Variants in HS3ST3B1 observed in about 807,000 individuals in gnomAD.
The protein encoded by HS3ST3B1 is heparan sulfate-glucosamine 3-sulfotransferase 3B1, also known as heparan sulfate glucosamine 3-O-sulfotransferase 3B1.
A neutral mutation model predicts 21.3 loss-of-function variants in HS3ST3B1; 13 were observed. That is an observed-to-expected ratio of 0.61 (90% CI 0.40 to 0.97). The LOEUF (loss-of-function observed/expected upper bound fraction) is 0.97, where lower values mean the gene tolerates loss of function less well. HS3ST3B1 is among the 50% of genes least tolerant of loss of function. The probability of loss-of-function intolerance (pLI) is 0.00; values close to 1 mark genes in which losing one functional copy is unlikely to be tolerated. For synonymous variants in HS3ST3B1, 234 were observed against 254.8 expected (o/e 0.92, Z 0.78); for missense variants, 459 against 554.8 (o/e 0.83, Z 1.73).
At chr17:14,302,139 C>T (rs1908956509) in intron 1 of HS3ST3B1, 67 bp downstream of exon 1, 2 of 1,491,636 alleles carry the variant, frequency 1.3e-6, no homozygotes, top group African/African-American at 1.4e-5. Context: ...GGAGACATGG[C>T]GTATGATAGG....
At chr17:14,317,766 G>C (rs1028464057) in intron 1 of HS3ST3B1, among the ~76,000 whole-genome samples, 1 of 152,036 alleles carries the variant, frequency 6.6e-6, no homozygotes, top group Non-Finnish European at 1.5e-5. Context: ...TAAAGAGAGG[G>C]CTTTTATCCT....
chr17:14,335,610 C>T (rs1597600641), intron 1 of HS3ST3B1, among the ~76,000 whole-genome samples: 1 of 151,968 alleles, frequency 6.6e-6, no homozygotes, highest in African/African-American at 2.4e-5. Flanking sequence ...AGGAGAATTG[C>T]TTGAACCGAG....
rs773871384 is a variant in HS3ST3B1, at chr17:14,301,993, G to T, written c.475G>T (p.Val159Leu). ...GCGGGCGCTGCTGGAGTTTCTGCGC[G>T]TGCACCCCGACGTGCGCGCCGTGGG... is the stretch of plus-strand genomic sequence containing the variant. The part of the protein sequence containing the change: ...GTRALLEFLR[V>L]HPDVRAVGAE... The change falls in exon 1 of 2, where the codon GTG (valine) becomes TTG (leucine). Residue 159 changes from valine (V) to leucine (L), a missense_variant. Coordinates refer to ENST00000360954, the MANE Select transcript of HS3ST3B1 (RefSeq NM_006041.3). The T allele has an allele frequency of 1.9e-6, 3 of 1,609,532 alleles. No individual in the cohort carries two copies. The highest frequency in any genetic ancestry group is 1.7e-6 in the Non-Finnish European group (2 of 1,179,050).
At chr17:14,312,433 T>C (rs1394624432) in intron 1 of HS3ST3B1, among the ~76,000 whole-genome samples, 1 of 152,220 alleles carries the variant, frequency 6.6e-6, no homozygotes, top group African/African-American at 2.4e-5. Context: ...CTCCCAAAGA[T>C]GTAGACTTTT....
At chr17:14,320,235 T>C (rs943395457) in intron 1 of HS3ST3B1, among the ~76,000 whole-genome samples, 1 of 152,100 alleles carries the variant, frequency 6.6e-6, no homozygotes, top group Non-Finnish European at 1.5e-5. Flanking sequence ...AAACAAATCC[T>C]ACAGAGGGAG....
chr17:14,315,416 A>T (rs1909466676), intron 1 of HS3ST3B1, among the ~76,000 whole-genome samples: 1 of 152,196 alleles, frequency 6.6e-6, no homozygotes, highest in African/African-American at 2.4e-5. Context: ...CAAATTACTT[A>T]TAATAGTTTT....
intron 1 of HS3ST3B1, among the ~76,000 whole-genome samples, chr17:14,331,991 C>T (rs75841532): frequency 0.019 from 2,913 of 152,252 alleles, 69 homozygotes; most frequent in East Asian, 0.14. Flanking sequence ...AGAAACTTCC[C>T]GGAGTTACAA....
At chr17:14,334,243 T>A (rs1403508906) in intron 1 of HS3ST3B1, among the ~76,000 whole-genome samples, 1 of 151,520 alleles carries the variant, frequency 6.6e-6, no homozygotes, top group East Asian at 1.9e-4. Context: ...GAAGAATCTT[T>A]GCTAGATTCC....
At chr17:14,341,212 C>T (rs1215897377) in intron 1 of HS3ST3B1, among the ~76,000 whole-genome samples, 1 of 152,168 alleles carries the variant, frequency 6.6e-6, no homozygotes, top group Non-Finnish European at 1.5e-5. Flanking sequence ...ACTGACAAGC[C>T]CTTCTCTAGG....
intron 1 of HS3ST3B1, among the ~76,000 whole-genome samples, chr17:14,313,657 G>GA (rs1909406528): frequency 6.6e-6 from 1 of 151,920 alleles, no homozygotes; most frequent in Admixed American, 6.6e-5. Context: ...TGCAACCTCC[G>GA]CCTTCCAGGT....
intron 1 of HS3ST3B1, among the ~76,000 whole-genome samples, chr17:14,337,416 C>T (rs1910219486): frequency 6.6e-6 from 1 of 151,458 alleles, no homozygotes; most frequent in Admixed American, 6.6e-5. Context: ...CAACCTCCAT[C>T]TCCCAGGTTC....
chr17:14,345,556 C>T lies in HS3ST3B1; in HGVS notation c.1083C>T (p.Asp361=). The change falls in exon 2 of 2, where the codon GAC becomes GAT. Residue 361 remains aspartate (D), a synonymous_variant. Coordinates refer to ENST00000360954, the MANE Select transcript of HS3ST3B1 (RefSeq NM_006041.3). The part of the protein sequence containing the change: ...KTKGRTHPEI[D]REVVRRLREF... ...AGGGCAGGACCCATCCTGAGATCGA[C>T]CGCGAGGTGGTGCGCAGGCTGCGCG... The T allele has an allele frequency of 6.3e-7, 1 of 1,592,430 alleles. No individual in the cohort carries two copies. Among genetic ancestry groups the T allele is most frequent in the African/African-American group, 1.3e-5 (1 of 74,340 alleles).
rs1027498262 is a variant in HS3ST3B1, at chr17:14,348,766, A to C, written c.*3120A>C. ...AAAAACAAACAAAAAGGTCAACAAA[A>C]AAAAATTGAGGTTTTTCTTGTTTCT... On this transcript the variant is annotated 3_prime_UTR_variant, in exon 2 of 2. Transcript: ENST00000360954. 6.6e-6 allele frequency: 1 copy of C among 152,206 alleles called. No individual in the cohort carries two copies. Among genetic ancestry groups the C allele is most frequent in the African/African-American group, 2.4e-5 (1 of 41,450 alleles). The allele number at this position is 152,206 out of a possible 1,614,324, so 9.4% of individuals were successfully genotyped here.
intron 1 of HS3ST3B1, among the ~76,000 whole-genome samples, chr17:14,330,584 T>TGTGTGTGTG (rs1555549603): frequency 5.3e-5 from 8 of 151,098 alleles, no homozygotes; most frequent in African/African-American, 1.2e-4. Flanking sequence ...TGTGTGTGTG[T>TGTGTGTGTG]TGCTTGCGGG....
intron 1 of HS3ST3B1, chr17:14,304,532 C>T (rs1412775750): frequency 2.0e-5 from 3 of 152,238 alleles, no homozygotes; most frequent in African/African-American, 7.2e-5. Context: ...TCCTTTTTAA[C>T]TTTAAACAGA....
At chr17:14,311,152 T>C (rs1477001584) in intron 1 of HS3ST3B1, among the ~76,000 whole-genome samples, 2 of 150,216 alleles carry the variant, frequency 1.3e-5, no homozygotes, top group African/African-American at 4.9e-5. Flanking sequence ...TGGCACAACC[T>C]CTACCTCCTG....
At position 14,345,837 on chromosome 17, in the gene HS3ST3B1, C is replaced by A; in HGVS notation, c.*191C>A. 2 of 723,942 alleles carry A rather than the reference C, an allele frequency of 2.8e-6. No individual in the cohort carries two copies. Among genetic ancestry groups the A allele is most frequent in the Non-Finnish European group, 4.2e-6 (2 of 474,560 alleles). 44.8% of individuals were successfully genotyped at this position (723,942 alleles called of 1,614,324 possible). A position where few individuals can be genotyped will look rare whatever the true frequency, so the allele number is the denominator to read the frequency against. ...TGTTAACATTCCAAAGTGTTTAACT[C>A]TAGTATTTCGTTCTCTTCTTCACAA... On this transcript the variant is annotated 3_prime_UTR_variant, in exon 2 of 2. Transcript: ENST00000360954.
intron 1 of HS3ST3B1, among the ~76,000 whole-genome samples, chr17:14,315,780 CA>C (rs1283306361): frequency 1.3e-5 from 2 of 150,530 alleles, no homozygotes; most frequent in African/African-American, 4.9e-5. Flanking sequence ...GAGATTGCAC[CA>C]TTGCACTCCA....
chr17:14,340,177 C>T (rs553064257), intron 1 of HS3ST3B1, among the ~76,000 whole-genome samples: 3 of 152,092 alleles, frequency 2.0e-5, no homozygotes, highest in South Asian at 4.1e-4. Flanking sequence ...GAACCTTCTC[C>T]CAGGACCTCC....
Sources: allele counts gnomAD v4.1 joint callset (sites outside exome capture counted in the v4.1 genomes callset), GRCh38; gene constraint gnomAD v4.1.1; transcripts MANE v1.5; gene names NCBI Gene and HGNC (gene_info 2026-07-23, HGNC 2026-07-21).